Variants in ATXN7 observed in about 807,000 individuals in gnomAD.
ATXN7 encodes ataxin 7.
ATXN7 carries 12 observed loss-of-function variants against 70.5 expected under a neutral mutation model. That is an observed-to-expected ratio of 0.17 (90% CI 0.11 to 0.28). The LOEUF is 0.28. Among genes scored for constraint, ATXN7 ranks in the 10% least tolerant of loss-of-function variants. The pLI is 1.00. For synonymous variants in ATXN7, 498 were observed against 448.7 expected (o/e 1.11, Z -1.39); for missense variants, 1,256 against 1,131.7 (o/e 1.11, Z -1.58).
rs1020968539 is a variant in ATXN7 at position 63,979,814 on chromosome 3, G to A, written c.500-101G>A. On this transcript the variant is annotated intron_variant, in intron 5 of 12. Coordinates refer to ENST00000674280, the MANE Select transcript of ATXN7 (RefSeq NM_001377405.1). ...TTAACATACCTTCACTTAACGACAC[G>A]TGTTTTAACCTGAATATATTGATTT... 22 of 1,509,626 alleles carry A rather than the reference G, an allele frequency of 1.5e-5. No homozygotes were observed. The Admixed American group carries it at 1.9e-4, about 13-fold the overall frequency. 93.5% of individuals were successfully genotyped at this position (1,509,626 alleles called of 1,614,324 possible).
intron 8 of ATXN7, among the ~76,000 whole-genome samples, chr3:63,987,784 T>G (rs2075602556): frequency 6.6e-6 from 1 of 152,140 alleles, no homozygotes; most frequent in African/African-American, 2.4e-5. Context: ...TGCTCTTAGT[T>G]ACATACCAGG....
At chr3:63,987,885 A>C (rs532369931) in intron 8 of ATXN7, among the ~76,000 whole-genome samples, 174 bp from the exon 9 acceptor site, 1 of 152,280 alleles carries the variant, frequency 6.6e-6, no homozygotes, top group East Asian at 1.9e-4. Context: ...CTTCTAGTCT[A>C]GCTAGGGAGA....
At chr3:63,950,173 G>A (rs973487514) in intron 4 of ATXN7, among the ~76,000 whole-genome samples, 1 of 152,086 alleles carries the variant, frequency 6.6e-6, no homozygotes, top group Non-Finnish European at 1.5e-5. Context: ...AAAGGAACCA[G>A]GGCAAAAAAG....
At chr3:63,903,177 G>A (rs926040418) in intron 2 of ATXN7, among the ~76,000 whole-genome samples, 2 of 151,940 alleles carry the variant, frequency 1.3e-5, no homozygotes, top group African/African-American at 2.4e-5. Flanking sequence ...GGAGGATCAC[G>A]AGGTCAGGAG....
At chr3:63,884,203 GCACACACA>G (rs57391192) in intron 1 of ATXN7, among the ~76,000 whole-genome samples, 2,382 of 142,712 alleles carry the variant, frequency 0.017, 30 homozygotes, top group South Asian at 0.025. Flanking sequence ...AATAACATGC[GCACACACA>G]CACACACACA....
intron 8 of ATXN7, among the ~76,000 whole-genome samples, chr3:63,987,264 G>A (rs962275803): frequency 1.3e-5 from 2 of 152,178 alleles, no homozygotes; most frequent in African/African-American, 4.8e-5. Context: ...ACAGGTGTGT[G>A]TATTGGTTGC....
At chr3:63,920,756 A>G (rs1428607724) in intron 4 of ATXN7, among the ~76,000 whole-genome samples, 1 of 152,192 alleles carries the variant, frequency 6.6e-6, no homozygotes, top group Non-Finnish European at 1.5e-5. Flanking sequence ...AATGAAAGCT[A>G]AGGTTGCAGC....
At chr3:63,916,000 T>C (rs1268863445) in intron 4 of ATXN7, among the ~76,000 whole-genome samples, 1 of 152,200 alleles carries the variant, frequency 6.6e-6, no homozygotes, top group Non-Finnish European at 1.5e-5. Flanking sequence ...ACTCCTCATC[T>C]TGAAATATCT....
intron 1 of ATXN7, among the ~76,000 whole-genome samples, chr3:63,894,472 A>C (rs1324122353): frequency 6.6e-6 from 1 of 152,224 alleles, no homozygotes. Flanking sequence ...GCTGAATAAC[A>C]CTGCCAATTC....
chr3:63,976,510 G>A (rs2075390707), intron 5 of ATXN7, among the ~76,000 whole-genome samples: 1 of 152,142 alleles, frequency 6.6e-6, no homozygotes, highest in African/African-American at 2.4e-5. Flanking sequence ...TGTTATTGAA[G>A]TAGAAAATAG....
chr3:63,919,091 C>T (rs1704404057), intron 4 of ATXN7, among the ~76,000 whole-genome samples: 1 of 152,154 alleles, frequency 6.6e-6, no homozygotes, highest in African/African-American at 2.4e-5. Flanking sequence ...TGGGCCAAAT[C>T]TTGCCTGCAT....
At chr3:63,878,047 T>A (rs1040652701) in intron 1 of ATXN7, among the ~76,000 whole-genome samples, 5 of 152,186 alleles carry the variant, frequency 3.3e-5, no homozygotes, top group Admixed American at 6.5e-5. Context: ...GAAAAAAGAT[T>A]TATCTCAGGA....
chr3:63,953,892 C>T (rs1162648896), intron 5 of ATXN7, among the ~76,000 whole-genome samples: 1 of 152,078 alleles, frequency 6.6e-6, no homozygotes, highest in Non-Finnish European at 1.5e-5. Flanking sequence ...AAGTGATCCG[C>T]CCACCTCTGC....
chr3:63,884,201 GCGCA>G (rs1335254635), intron 1 of ATXN7, among the ~76,000 whole-genome samples: 10 of 51,712 alleles, frequency 1.9e-4, no homozygotes, highest in African/African-American at 5.8e-4. Flanking sequence ...AAAATAACAT[GCGCA>G]CACACACACA....
chr3:63,913,294 CG>C, intron 4 of ATXN7, 69 bp downstream of exon 4: 1 of 1,473,786 alleles, frequency 6.8e-7, no homozygotes, highest in Non-Finnish European at 9.4e-7. Context: ...TCACTGGGAC[CG>C]GGAACATCAG....
At chr3:63,937,956 G>A (rs2074693910) in intron 4 of ATXN7, among the ~76,000 whole-genome samples, 1 of 152,174 alleles carries the variant, frequency 6.6e-6, no homozygotes. Flanking sequence ...GGCCCATTAA[G>A]TTCTCAATAA....
intron 5 of ATXN7, among the ~76,000 whole-genome samples, chr3:63,971,564 C>G (rs1455227624): frequency 6.6e-6 from 1 of 152,050 alleles, no homozygotes. Flanking sequence ...AAGTTGACAA[C>G]AATGAAAGTA....
chr3:63,991,028 C>A lies in ATXN7; in HGVS notation c.1682+169C>A, dbSNP rs991647594. 6 of 908,678 alleles carry A rather than the reference C, an allele frequency of 6.6e-6. No individual in the cohort carries two copies. In the Admixed American group the frequency reaches 7.7e-5, roughly 12 times the overall value. The allele number at this position is 908,678 out of a possible 1,614,324, so 56.3% of individuals were successfully genotyped here. A position where few individuals can be genotyped will look rare whatever the true frequency, so the allele number is the denominator to read the frequency against. The stretch of plus-strand genomic sequence containing the variant: ...CATTCATTCATTTACCCCTTTACCC[C>A]ACAACTACATATTGTTGTGGGTGCT... On this transcript the variant is annotated intron_variant, in intron 11 of 12. Transcript: ENST00000674280.
intron 5 of ATXN7, among the ~76,000 whole-genome samples, chr3:63,978,845 TAAG>T (rs2106749000): frequency 6.6e-6 from 1 of 152,348 alleles, no homozygotes; most frequent in Non-Finnish European, 1.5e-5. Flanking sequence ...AGGACTGCTA[TAAG>T]AAGATCTTTG....
Sources: gnomAD v4.1 joint callset for allele counts (sites outside exome capture counted in the v4.1 genomes callset) on GRCh38, gnomAD v4.1.1 for gene constraint, MANE v1.5 for transcripts, NCBI Gene and HGNC (gene_info 2026-07-23, HGNC 2026-07-21) for gene names.